Variants in ATRNL1 observed in about 807,000 individuals in gnomAD.
ATRNL1 encodes attractin-like protein 1.
Under a neutral mutation model 182.7 loss-of-function variants are expected in ATRNL1, and 95 were observed. The observed-to-expected ratio is 0.52, with a 90% CI of 0.44 to 0.62. The LOEUF (loss-of-function observed/expected upper bound fraction) is 0.62, where lower values mean the gene tolerates loss of function less well. Among genes scored for constraint, ATRNL1 ranks in the 20% least tolerant of loss-of-function variants. The probability of loss-of-function intolerance (pLI) is 0.00; values close to 1 mark genes in which losing one functional copy is unlikely to be tolerated. For missense variants in ATRNL1, 1,471 were observed against 1,679.5 expected, an observed-to-expected ratio of 0.88 and a Z score of 2.17; for synonymous variants, 576 against 568.3, an observed-to-expected ratio of 1.01 and a Z score of -0.19.
intron 18 of ATRNL1, among the ~76,000 whole-genome samples, chr10:115,315,966 A>G (rs1854281114): frequency 6.6e-6 from 1 of 152,126 alleles, no homozygotes; most frequent in African/African-American, 2.4e-5. Context: ...GAATATCATG[A>G]TTAGCTTTCA....
In ATRNL1 at chr10:115,366,856, T is replaced by C. The variant is rs1229408230; in HGVS notation, c.3176-27803T>C. ...ATGTTGAATATTGGCCCCCACTCTC[T>C]TCTGGCTTGTAGGGTTTCTGCCGAG... On this transcript the variant is annotated intron_variant, in intron 19 of 28. Coordinates refer to ENST00000355044, the MANE Select transcript of ATRNL1 (RefSeq NM_207303.4). 2.8e-5 allele frequency among the ~76,000 whole-genome samples: 4 copies of C among 144,904 alleles called. No homozygotes were observed. In the East Asian group the frequency reaches 5.9e-4, roughly 21 times the overall value.
intron 1 of ATRNL1, among the ~76,000 whole-genome samples, chr10:115,099,084 C>T (rs1434328521): frequency 1.3e-5 from 2 of 152,222 alleles, no homozygotes; most frequent in Non-Finnish European, 1.5e-5. Flanking sequence ...GTAAACCCTC[C>T]CTTTTCTAGT....
At chr10:115,194,498 A>G (rs1430026158) in intron 8 of ATRNL1, among the ~76,000 whole-genome samples, 1 of 151,512 alleles carries the variant, frequency 6.6e-6, no homozygotes, top group Non-Finnish European at 1.5e-5. Flanking sequence ...TGATACAAGT[A>G]TAGCTACTCC....
intron 19 of ATRNL1, among the ~76,000 whole-genome samples, chr10:115,363,365 G>C (rs1218287845): frequency 7.1e-6 from 1 of 140,654 alleles, no homozygotes; most frequent in African/African-American, 2.6e-5. Context: ...TGATGGGGTT[G>C]TTTGTTTTTT....
At chr10:115,424,124 A>T (rs1845771782) in intron 20 of ATRNL1, among the ~76,000 whole-genome samples, 2 of 152,204 alleles carry the variant, frequency 1.3e-5, no homozygotes, top group Admixed American at 6.5e-5. Flanking sequence ...AAAAGATCTG[A>T]ATAGACATTT....
intron 20 of ATRNL1, among the ~76,000 whole-genome samples, chr10:115,396,303 G>T (rs181775217): frequency 5.7e-4 from 86 of 151,964 alleles, no homozygotes; most frequent in African/African-American, 2.0e-3. Flanking sequence ...ATTGTCTTCT[G>T]TTCTAAGATC....
chr10:115,861,273 C>T (rs782707205), intron 28 of ATRNL1, among the ~76,000 whole-genome samples: 6 of 152,150 alleles, frequency 3.9e-5, no homozygotes, highest in East Asian at 1.9e-4. Flanking sequence ...ATTTTTCTTA[C>T]GCTGTCTCCG....
chr10:115,188,656 A>G (rs544425831), intron 8 of ATRNL1, among the ~76,000 whole-genome samples: 1 of 152,238 alleles, frequency 6.6e-6, no homozygotes, highest in East Asian at 1.9e-4. Context: ...TGATCTAAAA[A>G]TCATTAGATT....
chr10:115,692,595 A>G (rs1165100116), intron 26 of ATRNL1, among the ~76,000 whole-genome samples: 1 of 151,892 alleles, frequency 6.6e-6, no homozygotes, highest in Non-Finnish European at 1.5e-5. Context: ...TAGCACTTGT[A>G]TTCCTAAAAT....
intron 27 of ATRNL1, among the ~76,000 whole-genome samples, chr10:115,791,192 G>A (rs116175629): frequency 3.0e-3 from 463 of 152,148 alleles, no homozygotes; most frequent in African/African-American, 0.01. Context: ...TTTTCAGTGA[G>A]GCCTTGCAGA....
At chr10:115,525,802 C>T (rs576808541) in intron 25 of ATRNL1, among the ~76,000 whole-genome samples, 1 of 152,224 alleles carries the variant, frequency 6.6e-6, no homozygotes, top group South Asian at 2.1e-4. Flanking sequence ...TGAAAATATG[C>T]ACCAAAACCA....
At chr10:115,773,149 T>A (rs1555076883) in intron 27 of ATRNL1, among the ~76,000 whole-genome samples, 1 of 152,190 alleles carries the variant, frequency 6.6e-6, no homozygotes, top group African/African-American at 2.4e-5. Context: ...TGACTCTTTT[T>A]AACAGTTGTC....
intron 5 of ATRNL1, among the ~76,000 whole-genome samples, chr10:115,153,843 G>A (rs1401463364): frequency 6.6e-6 from 1 of 151,986 alleles, no homozygotes; most frequent in Non-Finnish European, 1.5e-5. Context: ...TCTGCTTTCT[G>A]TTGTGGGCAT....
intron 21 of ATRNL1, among the ~76,000 whole-genome samples, chr10:115,427,176 G>A (rs1293074520): frequency 6.6e-6 from 1 of 152,158 alleles, no homozygotes; most frequent in East Asian, 1.9e-4. Context: ...TAATAGGTGT[G>A]TAATGGTATC....
chr10:115,686,009 C>T (rs1946206211), intron 26 of ATRNL1, among the ~76,000 whole-genome samples: 1 of 151,354 alleles, frequency 6.6e-6, no homozygotes, highest in South Asian at 2.1e-4. Context: ...ATACATAGAG[C>T]TCTAGAAACT....
chr10:115,329,728 A>G lies in ATRNL1; in HGVS notation c.3038-4554A>G, dbSNP rs1855110909. Among the ~76,000 whole-genome samples, 2 of 152,096 alleles carry G rather than the reference A, an allele frequency of 1.3e-5. 1 individual carries two copies. Among genetic ancestry groups the G allele is most frequent in the South Asian group, 4.1e-4 (2 of 4,828 alleles). On this transcript the variant is annotated intron_variant, in intron 18 of 28. Transcript: ENST00000355044. The stretch of plus-strand genomic sequence containing the variant: ...ACTTACTTTTCCATTTGCGTGCAAT[A>G]TGTTTTTGCATCTCATTACTTTAAG...
At chr10:115,716,987 G>C (rs1017375246) in intron 26 of ATRNL1, among the ~76,000 whole-genome samples, 20 of 152,090 alleles carry the variant, frequency 1.3e-4, no homozygotes, top group Non-Finnish European at 1.9e-4. Flanking sequence ...TTTGCTCTTT[G>C]AGGAGTAATA....
intron 27 of ATRNL1, among the ~76,000 whole-genome samples, chr10:115,752,139 A>G (rs1948466493): frequency 6.6e-6 from 1 of 152,066 alleles, no homozygotes; most frequent in African/African-American, 2.4e-5. Flanking sequence ...AATTTACAGA[A>G]AGCAGTTTTC....
chr10:115,367,066 G>A (rs1857086196), intron 19 of ATRNL1, among the ~76,000 whole-genome samples: 1 of 120,592 alleles, frequency 8.3e-6, no homozygotes, highest in East Asian at 2.0e-4. Flanking sequence ...TCGTTGGCCT[G>A]CCTTGCTAGA....
Sources: gnomAD v4.1 joint callset for allele counts (sites outside exome capture counted in the v4.1 genomes callset) on GRCh38, gnomAD v4.1.1 for gene constraint, MANE v1.5 for transcripts, NCBI Gene and HGNC (gene_info 2026-07-23, HGNC 2026-07-21) for gene names.